Variants in UTS2 observed in about 807,000 individuals in gnomAD.
UTS2 encodes urotensin 2.
A neutral mutation model predicts 12.6 loss-of-function variants in UTS2; 10 were observed. That is an observed-to-expected ratio of 0.80 (90% CI 0.49 to 1.35). UTS2 has a LOEUF of 1.35. Ranked by LOEUF, UTS2 falls within the 40% of genes most tolerant of loss-of-function variation. The pLI, the probability that UTS2 is intolerant of heterozygous loss-of-function variation, is 0.00. For missense variants in UTS2, 142 were observed against 143.2 expected, an observed-to-expected ratio of 0.99 and a Z score of 0.04; for synonymous variants, 52 against 50.0, an observed-to-expected ratio of 1.04 and a Z score of -0.17.
upstream of UTS2, among the ~76,000 whole-genome samples, chr1:7,856,506 G>A (rs116011128): frequency 3.3e-5 from 5 of 152,226 alleles, no homozygotes; most frequent in Non-Finnish European, 4.4e-5. Context: ...AGCGAGAGAA[G>A]TCGGGGAAGC....
At chr1:7,909,710 T>G in the UTS2 span, among the ~76,000 whole-genome samples, 1 of 151,966 alleles carries the variant, frequency 6.6e-6, no homozygotes, top group Non-Finnish European at 1.5e-5. Context: ...AACCTCTGCC[T>G]CCCAGGTTCA....
At chr1:7,911,669 T>A in the UTS2 span, among the ~76,000 whole-genome samples, 4 of 152,020 alleles carry the variant, frequency 2.6e-5, no homozygotes, top group African/African-American at 9.7e-5. Flanking sequence ...TTGGGAGGCC[T>A]AGGCAGTGGA....
At chr1:7,849,066 G>A (rs1182240359) in intron 3 of UTS2, among the ~76,000 whole-genome samples, 1 of 152,158 alleles carries the variant, frequency 6.6e-6, no homozygotes, top group Admixed American at 6.5e-5. Flanking sequence ...ATGCCAGACT[G>A]GAGAGCAGGG....
chr1:7,854,393 C>G (rs765047020), upstream of UTS2, among the ~76,000 whole-genome samples: 7 of 137,104 alleles, frequency 5.1e-5, no homozygotes, highest in Non-Finnish European at 1.1e-4. Context: ...AAAAATACAA[C>G]AATTAACCAG....
At chr1:7,869,668 T>A in the UTS2 span, among the ~76,000 whole-genome samples, 4 of 152,332 alleles carry the variant, frequency 2.6e-5, no homozygotes, top group Admixed American at 2.6e-4. Context: ...CAAGGAGCGA[T>A]GTTCCGGGTC....
the UTS2 span, among the ~76,000 whole-genome samples, chr1:7,882,051 G>T: frequency 6.6e-6 from 1 of 152,154 alleles, no homozygotes; most frequent in South Asian, 2.1e-4. Context: ...TCAATAAATG[G>T]TGTCCAGGCG....
upstream of UTS2, among the ~76,000 whole-genome samples, chr1:7,854,356 AAGAG>A (rs758882293): frequency 0.11 from 12,177 of 111,310 alleles, 738 homozygotes; most frequent in African/African-American, 0.19. Flanking sequence ...AAAAAAAAAA[AAGAG>A]AAGGAGAAAC....
chr1:7,857,681 GTC>G (rs1178752593), upstream of UTS2, among the ~76,000 whole-genome samples: 5 of 152,048 alleles, frequency 3.3e-5, no homozygotes, highest in Non-Finnish European at 7.4e-5. Context: ...GTGAGACCCT[GTC>G]TCTACAAAAA....
At chr1:7,864,114 G>T in the UTS2 span, among the ~76,000 whole-genome samples, 1 of 152,238 alleles carries the variant, frequency 6.6e-6, no homozygotes, top group Non-Finnish European at 1.5e-5. Flanking sequence ...TGGTGTGTGT[G>T]TTTGTGTAGG....
At chr1:7,893,632 T>A in the UTS2 span, among the ~76,000 whole-genome samples, 1 of 152,190 alleles carries the variant, frequency 6.6e-6, no homozygotes, top group Admixed American at 6.5e-5. Flanking sequence ...AAACATCTTG[T>A]GAGGACTCTA....
intron 3 of UTS2, among the ~76,000 whole-genome samples, chr1:7,849,163 A>G (rs1474681618): frequency 6.6e-6 from 1 of 151,648 alleles, no homozygotes; most frequent in Non-Finnish European, 1.5e-5. Context: ...TTCAGATCTT[A>G]TATCAATCAA....
the UTS2 span, among the ~76,000 whole-genome samples, chr1:7,864,863 G>A: frequency 6.6e-6 from 1 of 152,192 alleles, no homozygotes; most frequent in Non-Finnish European, 1.5e-5. Flanking sequence ...TGAAGGAGGA[G>A]TTTCCTCTTG....
upstream of UTS2, among the ~76,000 whole-genome samples, chr1:7,856,032 TG>T (rs1638298590): frequency 6.6e-6 from 1 of 151,986 alleles, no homozygotes; most frequent in African/African-American, 2.4e-5. Flanking sequence ...GGTCTTGCTA[TG>T]TTGCCCAGGC....
rs1315707618 is a variant in UTS2, at chr1:7,847,771, C to G, written c.370G>C (p.Val124Leu). 1 of 1,609,438 alleles carries G rather than the reference C, an allele frequency of 6.2e-7. No homozygotes were observed. The highest frequency in any genetic ancestry group is 1.1e-5 in the South Asian group (1 of 90,406). ...ETPDCFWKYC[V>L] ...TAACAGATGCTTATTTCACTTCAGA[C>G]ACAGTATTTCCAGAAGCAATCAGGA... Residue 124 changes from valine (V) to leucine (L), a missense_variant, in exon 4 of 4, where the codon GTC (valine) becomes CTC (leucine). Physicochemically the swap from Val to Leu is conservative, Grantham distance 32 (BLOSUM62 1). Coordinates refer to ENST00000361696, the MANE Select transcript of UTS2 (RefSeq NM_006786.4).
chr1:7,862,125 C>T, the UTS2 span, among the ~76,000 whole-genome samples: 1 of 151,964 alleles, frequency 6.6e-6, no homozygotes, highest in Non-Finnish European at 1.5e-5. Flanking sequence ...GTTGGCCAGG[C>T]TGGTCTCGAA....
chr1:7,847,966 C>T (rs983883574), intron 3 of UTS2, 84 bp from the exon 4 acceptor site: 70 of 998,766 alleles, frequency 7.0e-5, no homozygotes, highest in Non-Finnish European at 9.7e-5. Flanking sequence ...AAAAAGGAAT[C>T]TTGAGTCAAG....
chr1:7,880,633 C>G, the UTS2 span, among the ~76,000 whole-genome samples: 2 of 152,072 alleles, frequency 1.3e-5, no homozygotes, highest in South Asian at 4.1e-4. Flanking sequence ...AAAACTTGAA[C>G]AGGCCAGTAA....
At chr1:7,875,739 C>T in the UTS2 span, among the ~76,000 whole-genome samples, 1 of 152,086 alleles carries the variant, frequency 6.6e-6, no homozygotes, top group African/African-American at 2.4e-5. Context: ...TTCCCATCAC[C>T]AGCACCAGCA....
At chr1:7,849,781 T>G (rs182503586) in intron 2 of UTS2, 98 bp from the exon 3 acceptor site, 4 of 1,117,144 alleles carry the variant, frequency 3.6e-6, no homozygotes, top group Admixed American at 6.0e-5. Flanking sequence ...TATGTCTAGT[T>G]TCTGGTCTTT....
Sources: gnomAD v4.1 joint callset for allele counts (sites outside exome capture counted in the v4.1 genomes callset) on GRCh38, gnomAD v4.1.1 for gene constraint, MANE v1.5 for transcripts, NCBI Gene and HGNC (gene_info 2026-07-23, HGNC 2026-07-21) for gene names.